Variants in ATP11A observed in about 807,000 individuals in gnomAD.
ATP11A encodes the protein ATPase phospholipid transporting 11A.
A neutral mutation model predicts 154.4 loss-of-function variants in ATP11A; 81 were observed. The ratio of observed to expected loss-of-function variants is 0.52; its 90% confidence interval spans 0.44 to 0.63. The LOEUF (loss-of-function observed/expected upper bound fraction) is 0.63, where lower values mean the gene tolerates loss of function less well. Among genes scored for constraint, ATP11A ranks in the 30% least tolerant of loss-of-function variants. The pLI, the probability that ATP11A is intolerant of heterozygous loss-of-function variation, is 0.00. For missense variants in ATP11A, 1,316 were observed against 1,474.3 expected, an observed-to-expected ratio of 0.89 and a Z score of 1.76; for synonymous variants, 623 against 585.9, an observed-to-expected ratio of 1.06 and a Z score of -0.91.
chr13:112,730,753 G>T (rs755820120), intron 1 of ATP11A, among the ~76,000 whole-genome samples: 1 of 152,146 alleles, frequency 6.6e-6, no homozygotes, highest in Non-Finnish European at 1.5e-5. Context: ...TCAGATATTT[G>T]GGGGGAAAGG....
chr13:112,744,193 C>T (rs542286102), intron 1 of ATP11A, among the ~76,000 whole-genome samples: 4 of 152,214 alleles, frequency 2.6e-5, no homozygotes, highest in South Asian at 2.1e-4. Context: ...CGGTTTGGGA[C>T]GGTCTGGGAG....
At chr13:112,716,193 C>A (rs890329478) in intron 1 of ATP11A, among the ~76,000 whole-genome samples, 2 of 152,206 alleles carry the variant, frequency 1.3e-5, no homozygotes, top group South Asian at 4.1e-4. Context: ...CCAGAGCTCC[C>A]ATGAGAAGCA....
intron 27 of ATP11A, among the ~76,000 whole-genome samples, chr13:112,874,271 C>G (rs949289283): frequency 6.6e-6 from 1 of 152,146 alleles, no homozygotes; most frequent in African/African-American, 2.4e-5. Flanking sequence ...CCGTGGCCAG[C>G]GGAGAGGGGC....
chr13:112,842,731 G>A (rs1202327335), intron 17 of ATP11A, among the ~76,000 whole-genome samples: 1 of 152,260 alleles, frequency 6.6e-6, no homozygotes, highest in Non-Finnish European at 1.5e-5. Context: ...TCTTTGTGTT[G>A]ACGTTTCTAG....
intron 2 of ATP11A, among the ~76,000 whole-genome samples, chr13:112,803,715 C>T (rs1390013786): frequency 7.6e-6 from 1 of 132,056 alleles, no homozygotes; most frequent in African/African-American, 3.2e-5. Flanking sequence ...CTCTCATTCC[C>T]CTCCTTCCCT....
At position 112,883,497 on chromosome 13, in the gene ATP11A, G is replaced by A. The variant is rs1448252302; in HGVS notation, c.*1631G>A. The stretch of plus-strand genomic sequence containing the variant: ...GTGAAACCCAGAGGGTGTTTCCGAG[G>A]TGCTCGACAGTAGGTATTTTTGGAA... On this transcript the variant is annotated 3_prime_UTR_variant, in exon 30 of 30. Coordinates refer to ENST00000375645, the MANE Select transcript of ATP11A (RefSeq NM_015205.3). The A allele has an allele frequency of 6.5e-6, 2 of 307,790 alleles. No homozygotes were observed. The highest frequency in any genetic ancestry group is 2.1e-5 in the African/African-American group (1 of 46,520). 19.1% of individuals were successfully genotyped at this position (307,790 alleles called of 1,614,324 possible).
At chr13:112,821,583 T>G (rs1431870139) in intron 8 of ATP11A, among the ~76,000 whole-genome samples, 1 of 152,326 alleles carries the variant, frequency 6.6e-6, no homozygotes, top group African/African-American at 2.4e-5. Context: ...AGTATTGGGA[T>G]TATAGGCATG....
chr13:112,771,011 C>G (rs1055655618), intron 1 of ATP11A, among the ~76,000 whole-genome samples: 2 of 152,172 alleles, frequency 1.3e-5, no homozygotes, highest in Non-Finnish European at 2.9e-5. Context: ...TTCTGCCCCG[C>G]GGTGTAATTC....
At chr13:112,749,106 G>A (rs983363705) in intron 1 of ATP11A, among the ~76,000 whole-genome samples, 4 of 152,208 alleles carry the variant, frequency 2.6e-5, no homozygotes, top group East Asian at 1.9e-4. Context: ...CGTCCCCAGC[G>A]GCCTCCCTGG....
chr13:112,814,004 A>G (rs1340561601), intron 5 of ATP11A, among the ~76,000 whole-genome samples: 1 of 151,790 alleles, frequency 6.6e-6, no homozygotes, highest in Admixed American at 6.6e-5. Flanking sequence ...ATATTTCACA[A>G]AGCAAACGTT....
At chr13:112,877,728 C>T (rs553016632) in intron 28 of ATP11A, among the ~76,000 whole-genome samples, 2 of 152,176 alleles carry the variant, frequency 1.3e-5, no homozygotes, top group African/African-American at 4.8e-5. Context: ...GGCCTCTCCC[C>T]GCAGGAGTCT....
chr13:112,691,080 A>G (rs1354750470), intron 1 of ATP11A, among the ~76,000 whole-genome samples: 1 of 152,144 alleles, frequency 6.6e-6, no homozygotes, highest in African/African-American at 2.4e-5. Context: ...TAAGCAAGTG[A>G]AGAGCTCAGG....
chr13:112,722,612 A>G (rs750103798), intron 1 of ATP11A, among the ~76,000 whole-genome samples: 40 of 152,186 alleles, frequency 2.6e-4, no homozygotes, highest in Admixed American at 6.5e-4. Context: ...GGTTTTCAGG[A>G]TAACTTTGGA....
chr13:112,844,411 A>G (rs971686766), intron 17 of ATP11A, among the ~76,000 whole-genome samples: 9 of 152,222 alleles, frequency 5.9e-5, no homozygotes, highest in Non-Finnish European at 8.8e-5. Context: ...ACACACGAAC[A>G]CACAGGTGGA....
chr13:112,743,011 A>G (rs1891717023), intron 1 of ATP11A, among the ~76,000 whole-genome samples: 1 of 152,308 alleles, frequency 6.6e-6, no homozygotes, highest in South Asian at 2.1e-4. Context: ...CATCAGTAGC[A>G]CAGTGTATGA....
chr13:112,869,505 C>T (rs1213526165), intron 25 of ATP11A, among the ~76,000 whole-genome samples: 1 of 152,234 alleles, frequency 6.6e-6, no homozygotes, highest in Non-Finnish European at 1.5e-5. Context: ...TCACCTGTGG[C>T]GCTGTTGGTG....
chr13:112,861,067 G>T (rs1262043936), intron 24 of ATP11A, among the ~76,000 whole-genome samples: 1 of 152,190 alleles, frequency 6.6e-6, no homozygotes, highest in Admixed American at 6.5e-5. Context: ...GGCATGAGGA[G>T]CAAAGGCACG....
intron 22 of ATP11A, chr13:112,858,595 G>GTCC (rs2080005884): frequency 4.1e-6 from 1 of 243,710 alleles, no homozygotes; most frequent in African/African-American, 2.2e-5. Flanking sequence ...GTCTCACGCC[G>GTCC]TCCTGCTGTC....
rs1490495902 is a variant in ATP11A at position 112,690,625 on chromosome 13, T to G, written c.39+170T>G. On this transcript the variant is annotated intron_variant, in intron 1 of 29. Coordinates refer to ENST00000375645, the MANE Select transcript of ATP11A (RefSeq NM_015205.3). The surrounding 1 kb of genome is among the most constrained non-coding windows in gnomAD (Gnocchi z 5.6). ...GGGATGCTGGGGAGGGGCCTCGGAG[T>G]TGACACCCTGGGGCTTCCGACGGGG... 1.3e-5 allele frequency among the ~76,000 whole-genome samples: 2 copies of G among 151,174 alleles called. No individual in the cohort carries two copies. The highest frequency in any genetic ancestry group is 3.0e-5 in the Non-Finnish European group (2 of 67,716).
Sources: gnomAD v4.1 joint callset for allele counts (sites outside exome capture counted in the v4.1 genomes callset) on GRCh38, gnomAD v4.1.1 for gene constraint, Gnocchi (gnomAD v3.1) non-coding constraint, MANE v1.5 for transcripts, NCBI Gene and HGNC (gene_info 2026-07-23, HGNC 2026-07-21) for gene names.